PSMC6: variants seen among roughly 807,000 people sequenced by gnomAD.
PSMC6 encodes the protein 26S proteasome regulatory subunit 10B.
In PSMC6, 3 loss-of-function variants were observed where a neutral mutation model predicts 55.9. The observed-to-expected ratio is 0.05, with a 90% confidence interval of 0.02 to 0.14. The LOEUF (loss-of-function observed/expected upper bound fraction) is 0.14. Ranked by LOEUF, PSMC6 falls within the 10% of genes least tolerant of loss-of-function variation. The probability of loss-of-function intolerance (pLI) is 1.00; values close to 1 mark genes in which losing one functional copy is unlikely to be tolerated. For synonymous variants in PSMC6, 137 were observed against 155.9 expected (o/e 0.88, Z 0.90); for missense variants, 210 against 478.7 (o/e 0.44, Z 5.24).
rs144639252 is a variant in PSMC6, at chr14:52,726,892, T to G, written c.1052-607T>G. ...CCCGACCCCAGGTAATCCGTCCACCTTGGCCTCCCAAAGTGTTGGGATTAC... is the reference window on the plus strand; with the variant it reads ...CCCGACCCCAGGTAATCCGTCCACCGTGGCCTCCCAAAGTGTTGGGATTAC... On this transcript the variant is annotated intron_variant, in intron 13 of 13. Coordinates refer to ENST00000445930, the MANE Select transcript of PSMC6 (RefSeq NM_002806.5). Among the ~76,000 whole-genome samples, 219 of 152,260 alleles carry G rather than the reference T, an allele frequency of 1.4e-3. 2 individuals are homozygous for G. Among genetic ancestry groups the G allele is most frequent in the African/African-American group, 5.1e-3 (212 of 41,544 alleles).
At chr14:52,713,764 G>A in intron 6 of PSMC6, 117 bp from the exon 7 acceptor site, 2 of 578,158 alleles carry the variant, frequency 3.5e-6, no homozygotes, top group Non-Finnish European at 5.9e-6. Context: ...TGGAAGTCTA[G>A]GTCTATTAAG....
At chr14:52,717,712 G>T (rs2041844689) in intron 7 of PSMC6, among the ~76,000 whole-genome samples, 1 of 151,380 alleles carries the variant, frequency 6.6e-6, no homozygotes, top group South Asian at 2.1e-4. Context: ...TTCTTAAAAG[G>T]ATTTTAAAAA....
At chr14:52,711,637 G>T in intron 6 of PSMC6, 113 bp downstream of exon 6, 1 of 558,002 alleles carries the variant, frequency 1.8e-6, no homozygotes, top group Non-Finnish European at 3.1e-6. Flanking sequence ...TGGTAGTTAA[G>T]AATATTATGT....
Position 52,719,050 on chromosome 14 carries a change from T to G in PSMC6, c.777+12T>G. 1 of 1,595,010 alleles carries G rather than the reference T, an allele frequency of 6.3e-7. No homozygotes were observed. The highest frequency in any genetic ancestry group is 8.6e-7 in the Non-Finnish European group (1 of 1,163,498). On this transcript the variant is annotated intron_variant, in intron 10 of 13. Transcript: ENST00000445930. ...GAACGTTAATGGAGGTAATATTTGG[T>G]AAAGGGGGTTTATAAAGAAACCAAT...
At chr14:52,720,697 C>T (rs1259196248) in intron 10 of PSMC6, among the ~76,000 whole-genome samples, 164 bp from the exon 11 acceptor site, 2 of 152,024 alleles carry the variant, frequency 1.3e-5, no homozygotes, top group Non-Finnish European at 1.5e-5. Context: ...AAGTATATCC[C>T]TTTATATAAG....
intron 7 of PSMC6, among the ~76,000 whole-genome samples, chr14:52,716,895 C>T (rs1043075642): frequency 6.6e-6 from 1 of 152,172 alleles, no homozygotes; most frequent in African/African-American, 2.4e-5. Flanking sequence ...CACAGAAAGA[C>T]AGTTACCACA....
At position 52,725,642 on chromosome 14, in the gene PSMC6, A is replaced by G. The variant is rs149860631; in HGVS notation, c.1051+1606A>G. Reference sequence around the variant, plus strand: ...CCTGATCATTTCTCCTTTATCTTCCAGTAGCTGGGACTATAGGCGTGCGCC... The same window carrying G: ...CCTGATCATTTCTCCTTTATCTTCCGGTAGCTGGGACTATAGGCGTGCGCC... On this transcript the variant is annotated intron_variant, in intron 13 of 13. Coordinates refer to ENST00000445930, the MANE Select transcript of PSMC6 (RefSeq NM_002806.5). Among the ~76,000 whole-genome samples the G allele has an allele frequency of 8.2e-3, 1,249 of 152,256 alleles. 9 individuals are homozygous for G. Among genetic ancestry groups the G allele is most frequent in the African/African-American group, 0.024 (984 of 41,546 alleles).
rs143440825 is a variant in PSMC6, at chr14:52,726,515, T to C, written c.1052-984T>C. Among the ~76,000 whole-genome samples, 24 of 152,298 alleles carry C rather than the reference T, an allele frequency of 1.6e-4. 1 individual carries two copies. In the East Asian group the frequency reaches 4.6e-3, roughly 29 times the overall value. Reference sequence around the variant, plus strand: ...CCATAAATGTGTGCCTTCCAGCAAATTGCTTCCTGTCAAGTTAAGTTACGC... The same window carrying C: ...CCATAAATGTGTGCCTTCCAGCAAACTGCTTCCTGTCAAGTTAAGTTACGC... On this transcript the variant is annotated intron_variant, in intron 13 of 13. Transcript: ENST00000445930.
At chr14:52,710,718 A>G (rs1335147223) in intron 4 of PSMC6, 1 of 233,852 alleles carries the variant, frequency 4.3e-6, no homozygotes, top group Non-Finnish European at 8.4e-6. Context: ...CAGAAGCTGT[A>G]CATTTCAAAA....
intron 13 of PSMC6, among the ~76,000 whole-genome samples, chr14:52,724,559 G>C (rs1202088122): frequency 1.3e-5 from 2 of 152,040 alleles, no homozygotes; most frequent in Non-Finnish European, 2.9e-5. Context: ...TGTGTATGTT[G>C]TCTAATACTA....
In PSMC6 at chr14:52,728,251, A is replaced by G. The variant is rs1026250300; in HGVS notation, c.*634A>G. ...CATTGTTGGTTAATTGAAAATATAC[A>G]TGCACATCCATAACTTTTTAAAGAG... On this transcript the variant is annotated 3_prime_UTR_variant, in exon 14 of 14. Coordinates refer to ENST00000445930, the MANE Select transcript of PSMC6 (RefSeq NM_002806.5). 1.3e-5 allele frequency: 2 copies of G among 152,280 alleles called. No homozygotes were observed. Among genetic ancestry groups the G allele is most frequent in the African/African-American group, 2.4e-5 (1 of 41,462 alleles). 9.4% of individuals were successfully genotyped at this position (152,280 alleles called of 1,614,324 possible).
In PSMC6 at chr14:52,707,338, CCTCGACTCGCTTCTGCCT is replaced by C. The variant is rs756611962; in HGVS notation, c.85+37_85+54del. 15 of 1,611,994 alleles carry C rather than the reference CCTCGACTCGCTTCTGCCT, an allele frequency of 9.3e-6. 1 individual carries two copies. The South Asian group carries it at 1.7e-4, about 18-fold the overall frequency. On this transcript the variant is annotated intron_variant, in intron 1 of 13. Coordinates refer to ENST00000445930, the MANE Select transcript of PSMC6 (RefSeq NM_002806.5). The stretch of plus-strand genomic sequence containing the variant: ...ACCTTTCTTTCCATTTAATCAAGTG[CCTCGACTCGCTTCTGCCT>C]CTGACAAAGCAGAAGCCTTTCGCCG...
rs764964336 is a variant in PSMC6, at chr14:52,711,172, G to C, written c.326+4G>C. ...TGACTACACTAACTATCATGAGGTG[G>C]GTTTCTTATTCTATTTAGTTCACCT... On this transcript the variant is annotated splice_donor_region_variant and intron_variant, in intron 5 of 13. Coordinates refer to ENST00000445930, the MANE Select transcript of PSMC6 (RefSeq NM_002806.5). 2 of 1,610,906 alleles carry C rather than the reference G, an allele frequency of 1.2e-6. No individual in the cohort carries two copies. The highest frequency in any genetic ancestry group is 8.5e-7 in the Non-Finnish European group (1 of 1,177,356).
intron 12 of PSMC6, chr14:52,721,449 T>TA (rs2041889294): frequency 5.9e-6 from 2 of 339,206 alleles, no homozygotes; most frequent in Non-Finnish European, 1.1e-5. Context: ...AAAAAACAGA[T>TA]AAAGTTAGTA....
intron 7 of PSMC6, among the ~76,000 whole-genome samples, chr14:52,714,989 C>T (rs1433847832): frequency 6.6e-6 from 1 of 151,846 alleles, no homozygotes; most frequent in Non-Finnish European, 1.5e-5. Flanking sequence ...GGCTCTTCCA[C>T]TGTGTTGACA....
chr14:52,727,018 ATTTTTT>A (rs66797420), intron 13 of PSMC6, among the ~76,000 whole-genome samples: 3 of 102,166 alleles, frequency 2.9e-5, no homozygotes, highest in African/African-American at 8.1e-5. Flanking sequence ...ACCGCTATGG[ATTTTTT>A]TTTTTTTTTT....
rs71444775 is a variant in PSMC6, at chr14:52,720,367, C to CAAAAAAAAAAAAAAAA, written c.778-479_778-464dup. ...TGGGTGACAGAGTGAAACTCTGTCTCAAAAAAAAAAAAAAAAAAAAAAAAA... is the reference window on the plus strand; with the variant it reads ...TGGGTGACAGAGTGAAACTCTGTCTCAAAAAAAAAAAAAAAAAAAAAAAAAAAAAAAAAAAAAAAAA... On this transcript the variant is annotated intron_variant, in intron 10 of 13. Coordinates refer to ENST00000445930, the MANE Select transcript of PSMC6 (RefSeq NM_002806.5). Among the ~76,000 whole-genome samples the CAAAAAAAAAAAAAAAA allele has an allele frequency of 1.7e-4, 7 of 41,482 alleles. 1 individual carries two copies. The highest frequency in any genetic ancestry group is 6.2e-4 in the African/African-American group (7 of 11,252). 27.2% of individuals were successfully genotyped at this position (41,482 alleles called of 152,430 possible). A position where few individuals can be genotyped will look rare whatever the true frequency, so the allele number is the denominator to read the frequency against.
At chr14:52,725,969 A>C (rs1566662607) in intron 13 of PSMC6, among the ~76,000 whole-genome samples, 2 of 152,208 alleles carry the variant, frequency 1.3e-5, no homozygotes. Flanking sequence ...ATTTCCATTC[A>C]CCCGGTTTCT....
chr14:52,707,464 C>A (rs75866559), intron 1 of PSMC6, 160 bp downstream of exon 1: 2 of 942,326 alleles, frequency 2.1e-6, no homozygotes, highest in Non-Finnish European at 3.1e-6. Flanking sequence ...GCTTGTGGAG[C>A]AGCACTCCTT....
Sources: allele counts gnomAD v4.1 joint callset (sites outside exome capture counted in the v4.1 genomes callset), GRCh38; gene constraint gnomAD v4.1.1; transcripts MANE v1.5; gene names NCBI Gene and HGNC (gene_info 2026-07-23, HGNC 2026-07-21).